The following SIPA1L1 variants were observed in gnomAD, a reference collection of about 807,000 sequenced individuals.
SIPA1L1 encodes the protein signal induced proliferation associated 1 like 1.
In SIPA1L1, 26 loss-of-function variants were observed where a neutral mutation model predicts 162.7. The observed-to-expected ratio is 0.16, with a 90% CI of 0.12 to 0.22. The LOEUF (loss-of-function observed/expected upper bound fraction) is 0.22. Ranked by LOEUF, SIPA1L1 falls within the 10% of genes least tolerant of loss-of-function variation. The pLI is 1.00. For synonymous variants in SIPA1L1, 829 were observed against 837.4 expected (o/e 0.99, Z 0.17); for missense variants, 1,874 against 2,241.0 (o/e 0.84, Z 3.31).
intron 2 of SIPA1L1, among the ~76,000 whole-genome samples, chr14:71,398,008 AATTTTTTTTTTT>A (rs1248566904): frequency 1.6e-4 from 14 of 88,710 alleles, no homozygotes; most frequent in East Asian, 3.5e-4. Context: ...CAAAAAAAAA[AATTTTTTTTTTT>A]TTTTTTTTTT....
At chr14:71,631,595 T>G (rs779313443) in intron 7 of SIPA1L1, among the ~76,000 whole-genome samples, 2 of 152,226 alleles carry the variant, frequency 1.3e-5, no homozygotes. Context: ...ACAATAACAT[T>G]ATTAGGTAAA....
intron 7 of SIPA1L1, among the ~76,000 whole-genome samples, chr14:71,637,354 A>G (rs759757190): frequency 6.6e-6 from 1 of 152,136 alleles, no homozygotes; most frequent in Non-Finnish European, 1.5e-5. Context: ...TTGTACATTC[A>G]CTTAACTTTT....
At chr14:71,558,909 C>T (rs1356250066) in intron 4 of SIPA1L1, among the ~76,000 whole-genome samples, 1 of 152,130 alleles carries the variant, frequency 6.6e-6, no homozygotes, top group Non-Finnish European at 1.5e-5. Flanking sequence ...ATCTCAAGCT[C>T]CTGGCCTCAA....
intron 3 of SIPA1L1, among the ~76,000 whole-genome samples, chr14:71,522,169 C>T (rs1407723063): frequency 2.6e-5 from 4 of 152,146 alleles, no homozygotes. Flanking sequence ...TGTCTTGTGG[C>T]TTCCATTGTT....
chr14:71,483,067 T>C (rs528506122), intron 2 of SIPA1L1, among the ~76,000 whole-genome samples: 55 of 152,342 alleles, frequency 3.6e-4, no homozygotes, highest in African/African-American at 1.3e-3. Flanking sequence ...TACTCTCTTT[T>C]TGATAAGAGA....
chr14:71,384,871 T>C (rs770942900), intron 2 of SIPA1L1, among the ~76,000 whole-genome samples: 5 of 152,240 alleles, frequency 3.3e-5, no homozygotes, highest in African/African-American at 1.2e-4. Flanking sequence ...TCAGCATTGC[T>C]GTAATGGACT....
At chr14:71,724,876 G>C in intron 19 of SIPA1L1, 41 bp downstream of exon 19, 1 of 1,571,028 alleles carries the variant, frequency 6.4e-7, no homozygotes, top group East Asian at 2.2e-5. Context: ...TTAGAAACAA[G>C]CCAGACATGA....
chr14:71,590,037 AAAAAAAAATATATAT>A (rs1359220826), intron 5 of SIPA1L1, among the ~76,000 whole-genome samples: 31 of 73,634 alleles, frequency 4.2e-4, no homozygotes, highest in South Asian at 9.0e-4. Flanking sequence ...AAAAAAAAAA[AAAAAAAAATATATAT>A]ATATATATAT....
chr14:71,419,209 G>A (rs976644976), intron 2 of SIPA1L1, among the ~76,000 whole-genome samples: 1 of 151,594 alleles, frequency 6.6e-6, no homozygotes, highest in African/African-American at 2.4e-5. Context: ...TTGCTGTAGA[G>A]CTAACGGACT....
chr14:71,411,556 T>C (rs1032234486), intron 2 of SIPA1L1, among the ~76,000 whole-genome samples: 4 of 152,206 alleles, frequency 2.6e-5, no homozygotes, highest in Non-Finnish European at 5.9e-5. Flanking sequence ...CTAGAACTTA[T>C]GTTAGCCTCT....
chr14:71,320,811 G>T (rs1041787179), intron 1 of SIPA1L1, among the ~76,000 whole-genome samples: 1 of 152,002 alleles, frequency 6.6e-6, no homozygotes, highest in Non-Finnish European at 1.5e-5. Flanking sequence ...CGGGCGGGAT[G>T]GGGGCGCTGA....
At chr14:71,627,813 C>G (rs1485737821) in intron 7 of SIPA1L1, among the ~76,000 whole-genome samples, 1 of 152,154 alleles carries the variant, frequency 6.6e-6, no homozygotes, top group Non-Finnish European at 1.5e-5. Context: ...CTTAATAGCC[C>G]TGAGCACTGG....
At chr14:71,345,579 T>TTG (rs1209356978) in intron 2 of SIPA1L1, among the ~76,000 whole-genome samples, 1 of 151,470 alleles carries the variant, frequency 6.6e-6, no homozygotes, top group Non-Finnish European at 1.5e-5. Flanking sequence ...CTTACTCTTT[T>TTG]TTTTTTTTTT....
intron 4 of SIPA1L1, among the ~76,000 whole-genome samples, chr14:71,563,684 T>C (rs1474965510): frequency 1.3e-5 from 2 of 152,240 alleles, no homozygotes; most frequent in Admixed American, 1.3e-4. Flanking sequence ...TTCATTCCTT[T>C]CTGCTATAGC....
chr14:71,469,892 G>A (rs2047316686), intron 2 of SIPA1L1, among the ~76,000 whole-genome samples: 1 of 152,202 alleles, frequency 6.6e-6, no homozygotes, highest in Non-Finnish European at 1.5e-5. Flanking sequence ...ATAACCAGGA[G>A]GATGGTGTGG....
chr14:71,571,385 A>G (rs1249750982), intron 4 of SIPA1L1, among the ~76,000 whole-genome samples: 1 of 151,928 alleles, frequency 6.6e-6, no homozygotes, highest in Admixed American at 6.5e-5. Context: ...ACTCAACTGA[A>G]AGTTGTGAAG....
At chr14:71,670,522 C>G (rs1301819801) in intron 10 of SIPA1L1, among the ~76,000 whole-genome samples, 1 of 152,204 alleles carries the variant, frequency 6.6e-6, no homozygotes, top group Non-Finnish European at 1.5e-5. Context: ...TACTCAGATT[C>G]CAATTTTCAT....
At chr14:71,724,268 A>G (rs1309109086) in intron 18 of SIPA1L1, among the ~76,000 whole-genome samples, 1 of 152,198 alleles carries the variant, frequency 6.6e-6, no homozygotes, top group Non-Finnish European at 1.5e-5. Flanking sequence ...TTACAAAGTG[A>G]GTGAGTACCC....
At chr14:71,674,709 C>T (rs908172337) in intron 12 of SIPA1L1, among the ~76,000 whole-genome samples, 14 of 150,732 alleles carry the variant, frequency 9.3e-5, no homozygotes, top group Non-Finnish European at 2.1e-4. Context: ...GGACTACAGG[C>T]GCCCGCCACT....
Sources: allele counts gnomAD v4.1 joint callset (sites outside exome capture counted in the v4.1 genomes callset), GRCh38; gene constraint gnomAD v4.1.1; transcripts MANE v1.5; gene names NCBI Gene and HGNC (gene_info 2026-07-23, HGNC 2026-07-21).